Variants in STAT6 observed in about 807,000 individuals in gnomAD.
STAT6 encodes the protein STAT, interleukin4-induced.
Under a neutral mutation model 106.3 loss-of-function variants are expected in STAT6, and 45 were observed. That is an observed-to-expected ratio of 0.42 (90% CI 0.33 to 0.54). The LOEUF is 0.54. Among genes scored for constraint, STAT6 ranks in the 20% least tolerant of loss-of-function variants. STAT6 has a pLI of 0.06. For missense variants in STAT6, 797 were observed against 1,062.2 expected (o/e 0.75, Z 3.47); for synonymous variants, 413 against 413.6 (o/e 1.00, Z 0.02).
intron 13 of STAT6, 53 bp downstream of exon 13, chr12:57,102,237 G>A (rs913621925): frequency 9.6e-5 from 151 of 1,567,264 alleles, no homozygotes; most frequent in Non-Finnish European, 1.3e-4. Context: ...GGCCCTGAGT[G>A]CCCCAGGGAT....
Position 57,096,265 on chromosome 12 carries a change from CTGTA to C in STAT6, c.*303_*306del, listed in dbSNP as rs959853064. On this transcript the variant is annotated 3_prime_UTR_variant, in exon 22 of 22. Transcript: ENST00000300134. ...TCAGCCCCATCACCCTCAGAGAGCT[CTGTA>C]TGTGTGTGTGCGTGCGTGTGCGCGC... The C allele has an allele frequency of 2.1e-5, 7 of 334,322 alleles. No homozygotes were observed. Among genetic ancestry groups the C allele is most frequent in the South Asian group, 2.0e-4 (4 of 19,676 alleles). The allele number at this position is 334,322 out of a possible 1,614,324, so 20.7% of individuals were successfully genotyped here.
chr12:57,107,110 G>A, intron 4 of STAT6, 121 bp downstream of exon 4: 8 of 1,151,512 alleles, frequency 6.9e-6, no homozygotes, highest in African/African-American at 1.5e-5. Context: ...AACCTCCTTT[G>A]GTCATTCCTG....
chr12:57,107,213 G>A lies in STAT6; in HGVS notation c.339+18C>T, dbSNP rs1565694306. 6.2e-7 allele frequency: 1 copy of A among 1,610,746 alleles called. No homozygotes were observed. The highest frequency in any genetic ancestry group is 8.5e-7 in the Non-Finnish European group (1 of 1,176,974). On this transcript the variant is annotated intron_variant, in intron 4 of 21. Transcript: ENST00000300134. The stretch of plus-strand genomic sequence containing the variant: ...CTCAGGGGATTGAGTTGGGGTGGGA[G>A]GTGGAATATCACAATACCTGTTCCA...
rs371752088 is a variant in STAT6 at position 57,098,538 on chromosome 12, T to C, written c.2126A>G (p.Glu709Gly). 7 of 1,614,062 alleles carry C rather than the reference T, an allele frequency of 4.3e-6. No individual in the cohort carries two copies. The highest frequency in any genetic ancestry group is 4.2e-6 in the Non-Finnish European group (5 of 1,180,052). The change falls in exon 19 of 22, where the codon GAA becomes GGA. Residue 709 changes from glutamate (E) to glycine (G), a missense_variant. Physicochemically the swap from Glu to Gly is moderately conservative, Grantham distance 98. Coordinates refer to ENST00000300134, the MANE Select transcript of STAT6 (RefSeq NM_003153.5). ...GGCTGACAACACGTTGACTGATTCT[T>C]CTGGGGAGAGGCCTTGATACGGGGG... ...SIPPYQGLSPEESVNVLSAFQ... is the reference protein window; with the variant it reads ...SIPPYQGLSPGESVNVLSAFQ...
In STAT6 at chr12:57,106,562, A is replaced by G. The variant is rs770539358; in HGVS notation, c.497T>C (p.Ile166Thr). ...CCCAGTCCCATTAGCAGGAGTTTCTATCAAGCTGTGCAGAGACACTGAGGG... is the reference window on the plus strand; with the variant it reads ...CCCAGTCCCATTAGCAGGAGTTTCTGTCAAGCTGTGCAGAGACACTGAGGG... ...EAGQVSLHSLIETPANGTGPS... is the reference protein window; with the variant it reads ...EAGQVSLHSLTETPANGTGPS... The change falls in exon 6 of 22, where the codon ATA becomes ACA. Residue 166 changes from isoleucine (I) to threonine (T), a missense_variant. By Grantham distance (89) the Ile-to-Thr change is moderately conservative. Transcript: ENST00000300134. 1.2e-5 allele frequency: 19 copies of G among 1,614,002 alleles called. No homozygotes were observed. Among genetic ancestry groups the G allele is most frequent in the Middle Eastern group, 1.6e-4 (1 of 6,084 alleles).
chr12:57,096,914 C>G lies in STAT6; in HGVS notation c.2290G>C (p.Asp764His), dbSNP rs201768332. ...VSSPDPLLCS[D>H]VTMVEDSCLS... The stretch of plus-strand genomic sequence containing the variant: ...CAGCTGTCTTCCACCATGGTCACAT[C>G]TGAGCAGAGCAGGGGGTCAGGGCTG... The change falls in exon 21 of 22, where the codon GAT (aspartate) becomes CAT (histidine). Residue 764 changes from aspartate to histidine, a missense_variant. Asp to His is a moderately conservative substitution (Grantham distance 81). Transcript: ENST00000300134. The G allele has an allele frequency of 6.2e-7, 1 of 1,614,192 alleles. No individual in the cohort carries two copies. Among genetic ancestry groups the G allele is most frequent in the Non-Finnish European group, 8.5e-7 (1 of 1,180,042 alleles).
intron 1 of STAT6, chr12:57,110,672 C>G (rs1425488589): frequency 6.6e-6 from 1 of 152,190 alleles, no homozygotes; most frequent in African/African-American, 2.4e-5. Context: ...AATTCCCCCT[C>G]GTCTGGGCCA....
rs758891439 is a variant in STAT6, at chr12:57,098,576, G to C, written c.2088C>G (p.His696Gln). Residue 696 changes from histidine (H) to glutamine (Q), a missense_variant, in exon 19 of 22, where the codon CAC becomes CAG. By Grantham distance (24) the His-to-Gln change is conservative. Transcript: ENST00000300134. Reference protein sequence around the residue: ...PDMVPQVYPPHSHSIPPYQGL... With the variant: ...PDMVPQVYPPQSHSIPPYQGL... ...CTTGATACGGGGGGATGGAGTGAGA[G>C]TGTGGTGGGTACACCTGGGGCCTGG... 2.5e-6 allele frequency: 4 copies of C among 1,614,082 alleles called. No homozygotes were observed. The South Asian group carries it at 4.4e-5, about 18-fold the overall frequency.
intron 13 of STAT6, among the ~76,000 whole-genome samples, 164 bp from the exon 14 acceptor site, chr12:57,100,254 C>T (rs12721589): frequency 4.6e-5 from 7 of 152,220 alleles, no homozygotes; most frequent in South Asian, 2.1e-4. Flanking sequence ...AATGCTTACA[C>T]GTGCCAGCCA....
chr12:57,107,855 T>A (rs2034372608), intron 2 of STAT6, 112 bp from the exon 3 acceptor site: 4 of 1,431,018 alleles, frequency 2.8e-6, no homozygotes, highest in Non-Finnish European at 3.8e-6. Context: ...TTATTCTCCA[T>A]CTAGGCCCTC....
Position 57,102,450 on chromosome 12 carries a change from ATCT to A in STAT6, c.1349_1351del (p.Lys450del). 6.2e-7 allele frequency: 1 copy of A among 1,613,932 alleles called. No homozygotes were observed. The highest frequency in any genetic ancestry group is 2.2e-5 in the East Asian group (1 of 44,874). On this transcript the variant is annotated inframe_deletion, in exon 13 of 22. Coordinates refer to ENST00000300134, the MANE Select transcript of STAT6 (RefSeq NM_003153.5). ...GAACTTCAGGTTCAGAGTTTCACACATCTTCTCCCAGGGCACCCGCTCAGCCAC... is the reference window on the plus strand; with the variant it reads ...GAACTTCAGGTTCAGAGTTTCACACATCTCCCAGGGCACCCGCTCAGCCAC...
intron 19 of STAT6, among the ~76,000 whole-genome samples, chr12:57,098,254 T>A (rs2033578231): frequency 6.6e-6 from 1 of 152,192 alleles, no homozygotes; most frequent in Non-Finnish European, 1.5e-5. Context: ...ATTATTAGCA[T>A]TATTATCCCC....
rs2034572037 is a variant in STAT6 at position 57,111,292 on chromosome 12, ACAC to A, written c.-188_-186del. On this transcript the variant is annotated 5_prime_UTR_variant, in exon 1 of 22. Transcript: ENST00000300134. ...TAAGATAAAGCACACACATACATAC[ACAC>A]ACACACACACACACACACACACACT... 1 of 58,430 alleles carries A rather than the reference ACAC, an allele frequency of 1.7e-5. No individual in the cohort carries two copies. Among genetic ancestry groups the A allele is most frequent in the Non-Finnish European group, 4.1e-5 (1 of 24,570 alleles). 3.6% of individuals were successfully genotyped at this position (58,430 alleles called of 1,614,324 possible). A position where few individuals can be genotyped will look rare whatever the true frequency, so the allele number is the denominator to read the frequency against.
chr12:57,105,562 G>A lies in STAT6; in HGVS notation c.718C>T (p.Gln240Ter). ...SLVDIYSQLQQEVGAAGGELE... is the reference protein window; with the variant it reads ...SLVDIYSQLQ ...TCCCCACCAGCCGCCCCTACCTCCT[G>A]CTGTAGCTGGGAATAAATGTCCACC... Residue 240 changes from glutamine (Q) to a stop codon, truncating the protein, a stop_gained, in exon 8 of 22, where the codon CAG (glutamine) becomes TAG (stop). Coordinates refer to ENST00000300134, the MANE Select transcript of STAT6 (RefSeq NM_003153.5). LOFTEE classifies it high-confidence loss of function. 1 of 1,613,978 alleles carries A rather than the reference G, an allele frequency of 6.2e-7. No individual in the cohort carries two copies. Among genetic ancestry groups the A allele is most frequent in the Non-Finnish European group, 8.5e-7 (1 of 1,179,934 alleles).
In STAT6 at chr12:57,099,237, G is replaced by A; in HGVS notation, c.1891+57C>T. 6.2e-7 allele frequency: 1 copy of A among 1,610,542 alleles called. No homozygotes were observed. Among genetic ancestry groups the A allele is most frequent in the Non-Finnish European group, 8.5e-7 (1 of 1,177,290 alleles). ...CGCGGGCAGGGAGAGGAGGGCAGCG[G>A]GGAGCAGGGAGGAAGTGGGTGACAG... On this transcript the variant is annotated intron_variant, in intron 16 of 21. Coordinates refer to ENST00000300134, the MANE Select transcript of STAT6 (RefSeq NM_003153.5). The surrounding 1 kb of genome is among the most constrained non-coding windows in gnomAD (Gnocchi z 4.7).
At chr12:57,097,529 A>G (rs896640321) in intron 19 of STAT6, among the ~76,000 whole-genome samples, 29 of 152,222 alleles carry the variant, frequency 1.9e-4, no homozygotes, top group African/African-American at 6.8e-4. Flanking sequence ...TACAGCAGAG[A>G]AGTGACAGTG....
chr12:57,104,307 T>A, intron 11 of STAT6, 157 bp downstream of exon 11: 1 of 1,069,652 alleles, frequency 9.3e-7, no homozygotes, highest in Non-Finnish European at 1.3e-6. Flanking sequence ...CACTCCATGC[T>A]CTTGCTCACC....
intron 13 of STAT6, 72 bp from the exon 14 acceptor site, chr12:57,100,162 G>T: frequency 7.7e-7 from 1 of 1,301,510 alleles, no homozygotes; most frequent in Non-Finnish European, 1.1e-6. Flanking sequence ...CAGGCAGTGA[G>T]CTGTGAGTGC....
At chr12:57,104,395 G>A (rs2034140976) in intron 11 of STAT6, 69 bp downstream of exon 11, 5 of 1,555,888 alleles carry the variant, frequency 3.2e-6, no homozygotes, top group Non-Finnish European at 4.3e-6. Flanking sequence ...GAGGGTCCAG[G>A]GCCCTTGTGT....
Sources: allele counts gnomAD v4.1 joint callset (sites outside exome capture counted in the v4.1 genomes callset), GRCh38; gene constraint gnomAD v4.1.1; non-coding constraint Gnocchi (gnomAD v3.1); transcripts MANE v1.5; gene names NCBI Gene and HGNC (gene_info 2026-07-23, HGNC 2026-07-21).